The following HDAC2 variants were observed in gnomAD, a reference collection of about 807,000 sequenced individuals.
HDAC2 encodes the protein histone deacetylase 2, also known as YY1-associated factor 1.
In HDAC2, 5 loss-of-function variants were observed where a neutral mutation model predicts 68.5. The ratio of observed to expected loss-of-function variants is 0.07; its 90% confidence interval spans 0.04 to 0.15. The LOEUF is 0.15. Among genes scored for constraint, HDAC2 ranks in the 10% least tolerant of loss-of-function variants. The pLI is 1.00. For missense variants in HDAC2, 291 were observed against 600.8 expected, an observed-to-expected ratio of 0.48 and a Z score of 5.39; for synonymous variants, 182 against 191.3, an observed-to-expected ratio of 0.95 and a Z score of 0.40.
chr6:113,958,447 A>G (rs1776606858), intron 3 of HDAC2: 2 of 427,864 alleles, frequency 4.7e-6, no homozygotes, highest in Non-Finnish European at 8.2e-6. Flanking sequence ...CCCAAACAGC[A>G]GTTTTGCAAA....
chr6:113,965,994 A>C (rs766629337), intron 1 of HDAC2, among the ~76,000 whole-genome samples: 1 of 152,094 alleles, frequency 6.6e-6, no homozygotes, highest in Non-Finnish European at 1.5e-5. Flanking sequence ...TTTGTTAAGG[A>C]GTTTTGTTTG....
At chr6:113,943,984 AT>A (rs1776207479) in intron 11 of HDAC2, among the ~76,000 whole-genome samples, 1 of 152,200 alleles carries the variant, frequency 6.6e-6, no homozygotes, top group African/African-American at 2.4e-5. Context: ...ATGTTTAGTT[AT>A]TTAGTTCACC....
Position 113,940,931 on chromosome 6 carries a change from C to A in HDAC2, c.*127G>T. On this transcript the variant is annotated 3_prime_UTR_variant, in exon 14 of 14. Transcript: ENST00000519065. ...CCAAGAAAAACAAAAACGAAAAAGCCATTTGAAAATAAATACAGTCCATGC... is the reference window on the plus strand; with the variant it reads ...CCAAGAAAAACAAAAACGAAAAAGCAATTTGAAAATAAATACAGTCCATGC... 1 of 611,384 alleles carries A rather than the reference C, an allele frequency of 1.6e-6. No homozygotes were observed. Among genetic ancestry groups the A allele is most frequent in the Non-Finnish European group, 2.7e-6 (1 of 375,228 alleles). 37.9% of individuals were successfully genotyped at this position (611,384 alleles called of 1,614,324 possible). A position where few individuals can be genotyped will look rare whatever the true frequency, so the allele number is the denominator to read the frequency against.
In HDAC2 at chr6:113,946,175, C is replaced by T. The variant is rs755869120; in HGVS notation, c.842-27G>A. ...TAAGACAAGAAGATTTGGGTAACAA[C>T]AAAATCTGCATACTGCAACAGTTCG... On this transcript the variant is annotated intron_variant, in intron 8 of 13. Transcript: ENST00000519065. 1.3e-5 allele frequency: 21 copies of T among 1,594,416 alleles called. No homozygotes were observed. In the East Asian group the frequency reaches 4.5e-4, roughly 34 times the overall value.
At chr6:113,970,349 G>T in intron 1 of HDAC2, 1 of 538,830 alleles carries the variant, frequency 1.9e-6, no homozygotes, top group Non-Finnish European at 2.4e-6. Context: ...AGGCGAGGAG[G>T]AGGGAAGGGG....
intron 13 of HDAC2, 59 bp downstream of exon 13, chr6:113,941,649 T>G: frequency 1.5e-6 from 1 of 657,830 alleles, no homozygotes; most frequent in Non-Finnish European, 2.6e-6. Flanking sequence ...CACACACCAA[T>G]AAACATGTTT....
intron 10 of HDAC2, 70 bp downstream of exon 10, chr6:113,945,292 T>TTTTTA (rs1369955033): frequency 1.4e-6 from 1 of 694,484 alleles, no homozygotes; most frequent in Non-Finnish European, 2.5e-6. Flanking sequence ...CCATCATACT[T>TTTTTA]GGCCCTTTAA....
chr6:113,958,504 A>G, intron 3 of HDAC2, 145 bp downstream of exon 3: 1 of 557,506 alleles, frequency 1.8e-6, no homozygotes, highest in East Asian at 3.1e-5. Context: ...TAGCTTTAGT[A>G]GTGTTAAAAT....
intron 2 of HDAC2, chr6:113,959,676 A>G: frequency 6.8e-6 from 2 of 294,338 alleles, no homozygotes; most frequent in Non-Finnish European, 1.2e-5. Context: ...AGAACCATGA[A>G]AGCCTAGGGT....
intron 1 of HDAC2, among the ~76,000 whole-genome samples, chr6:113,963,372 CT>C (rs1757001625): frequency 6.6e-6 from 1 of 152,188 alleles, no homozygotes; most frequent in African/African-American, 2.4e-5. Flanking sequence ...ATGTGAGCCA[CT>C]GTGCCCAGCC....
At chr6:113,945,333 T>C (rs1240008394) in intron 10 of HDAC2, 29 bp downstream of exon 10, 1 of 1,034,764 alleles carries the variant, frequency 9.7e-7, no homozygotes, top group Non-Finnish European at 1.5e-6. Context: ...AGATAAAATG[T>C]TTATCAAAAC....
chr6:113,956,567 A>G lies in HDAC2; in HGVS notation c.358+52T>C. On this transcript the variant is annotated intron_variant, in intron 4 of 13. Transcript: ENST00000519065. ...CTGTTTTACACAAATAACCCGAAAG[A>G]TAACACACCAAGTTCAGATCAACTT... The G allele has an allele frequency of 3.2e-6, 4 of 1,231,332 alleles. 1 individual carries two copies. In the South Asian group the frequency reaches 4.9e-5, roughly 15 times the overall value. The allele number at this position is 1,231,332 out of a possible 1,614,324, so 76.3% of individuals were successfully genotyped here.
At chr6:113,950,315 G>A (rs1776379561) in intron 6 of HDAC2, among the ~76,000 whole-genome samples, 1 of 151,962 alleles carries the variant, frequency 6.6e-6, no homozygotes, top group South Asian at 2.1e-4. Flanking sequence ...ATACTGTATA[G>A]TACAGACATT....
chr6:113,937,988 A>C lies in HDAC2; in HGVS notation c.*3070T>G, dbSNP rs1197089461. 1 of 152,252 alleles carries C rather than the reference A, an allele frequency of 6.6e-6. No individual in the cohort carries two copies. Among genetic ancestry groups the C allele is most frequent in the Non-Finnish European group, 1.5e-5 (1 of 68,092 alleles). The allele number at this position is 152,252 out of a possible 1,614,324, so 9.4% of individuals were successfully genotyped here. ...TAGTGAAACCCCGTCTCTACTAAAA[A>C]TGCGAACAATTAGCTGGGCGTGGTG... On this transcript the variant is annotated 3_prime_UTR_variant, in exon 14 of 14. Coordinates refer to ENST00000519065, the MANE Select transcript of HDAC2 (RefSeq NM_001527.4).
rs572620320 is a variant in HDAC2 at position 113,969,213 on chromosome 6, T to C, written c.52+1644A>G. ...GATGGCATAATTTCAAATCAACTTA[T>C]ATAATGCATATCTAGTCCTCTGAAA... On this transcript the variant is annotated intron_variant, in intron 1 of 13. Coordinates refer to ENST00000519065, the MANE Select transcript of HDAC2 (RefSeq NM_001527.4). 5.3e-5 allele frequency among the ~76,000 whole-genome samples: 8 copies of C among 152,324 alleles called. No homozygotes were observed. The South Asian group carries it at 8.3e-4, about 16-fold the overall frequency.
Position 113,935,198 on chromosome 6 carries a change from A to C in HDAC2, c.*5860T>G, listed in dbSNP as rs922573162. ...TCAAACTTTCCGGCTAGACTTCAGA[A>C]TAAGAAAATTTTTGAAGTGCATTTC... On this transcript the variant is annotated 3_prime_UTR_variant, in exon 14 of 14. Coordinates refer to ENST00000519065, the MANE Select transcript of HDAC2 (RefSeq NM_001527.4). 1.3e-5 allele frequency: 2 copies of C among 152,196 alleles called. No homozygotes were observed. Among genetic ancestry groups the C allele is most frequent in the Non-Finnish European group, 2.9e-5 (2 of 68,034 alleles). 9.4% of individuals were successfully genotyped at this position (152,196 alleles called of 1,614,324 possible).
At chr6:113,970,278 G>C (rs548650561) in intron 1 of HDAC2, 20 of 199,908 alleles carry the variant, frequency 1.0e-4, no homozygotes, top group East Asian at 1.9e-4. Context: ...CCGGGGAAAG[G>C]GTAAGCCGAG....
intron 4 of HDAC2, 22 bp downstream of exon 4, chr6:113,956,597 A>G (rs748626426): frequency 1.7e-5 from 26 of 1,565,094 alleles, no homozygotes; most frequent in Non-Finnish European, 2.0e-5. Flanking sequence ...CAACTTTTAA[A>G]TCTGATTGCA....
chr6:113,971,047 T>C lies in HDAC2; in HGVS notation c.-139A>G. The C allele has an allele frequency of 6.4e-7, 1 of 1,565,954 alleles. No homozygotes were observed. Among genetic ancestry groups the C allele is most frequent in the Non-Finnish European group, 8.7e-7 (1 of 1,154,992 alleles). ...AGTCCCGCGGGGAAGGGCAGGCCGG[T>C]GGGAGGAGAGGAGGGGGCGCCGGGA... On this transcript the variant is annotated 5_prime_UTR_variant, in exon 1 of 14. Transcript: ENST00000519065.
Sources: gnomAD v4.1 joint callset for allele counts (sites outside exome capture counted in the v4.1 genomes callset) on GRCh38, gnomAD v4.1.1 for gene constraint, MANE v1.5 for transcripts, NCBI Gene and HGNC (gene_info 2026-07-23, HGNC 2026-07-21) for gene names.